The following KIAA0586 variants were observed in gnomAD, a reference collection of about 807,000 sequenced individuals.
The protein encoded by KIAA0586 is protein TALPID3.
Under a neutral mutation model 169.8 loss-of-function variants are expected in KIAA0586, and 144 were observed. The observed-to-expected ratio is 0.85, with a 90% confidence interval of 0.74 to 0.97. The LOEUF is 0.97. KIAA0586 is among the 50% of genes least tolerant of loss of function. The probability of loss-of-function intolerance (pLI) is 0.00; values close to 1 mark genes in which losing one functional copy is unlikely to be tolerated. For missense variants in KIAA0586, 1,854 were observed against 1,823.0 expected (o/e 1.02, Z -0.31); for synonymous variants, 625 against 612.4 (o/e 1.02, Z -0.30).
At position 58,451,033 on chromosome 14, in the gene KIAA0586, G is replaced by A. The variant is rs372059062; in HGVS notation, c.1129+287G>A. ...AGACGGAGTCTCGCTCTGTTGCCCA[G>A]GCTGGAGTGCAGTGGTGCGATCTCG... On this transcript the variant is annotated intron_variant, in intron 8 of 30. Transcript: ENST00000652326. Among the ~76,000 whole-genome samples, 4 of 147,720 alleles carry A rather than the reference G, an allele frequency of 2.7e-5. 1 individual carries two copies.
chr14:58,486,690 C>T (rs1157096199), intron 21 of KIAA0586, among the ~76,000 whole-genome samples: 2 of 152,076 alleles, frequency 1.3e-5, no homozygotes, highest in African/African-American at 4.8e-5. Context: ...AAAATACAAA[C>T]CCACAGATGC....
At chr14:58,525,310 C>T (rs575275365) in intron 29 of KIAA0586, among the ~76,000 whole-genome samples, 2 of 152,058 alleles carry the variant, frequency 1.3e-5, no homozygotes, top group South Asian at 2.1e-4. Context: ...CAGCTCCCAG[C>T]GAGATCAATG....
intron 25 of KIAA0586, among the ~76,000 whole-genome samples, chr14:58,490,770 A>T (rs1462790924): frequency 1.3e-5 from 2 of 152,122 alleles, no homozygotes; most frequent in Non-Finnish European, 2.9e-5. Context: ...AAGTGATAGT[A>T]AGAATTTTCT....
At position 58,456,702 on chromosome 14, in the gene KIAA0586, A is replaced by C; in HGVS notation, c.1254A>C (p.Arg418Ser). The change falls in exon 10 of 31, where the codon AGA (arginine) becomes AGC (serine). Residue 418 changes from arginine to serine, a missense_variant and splice_region_variant. Coordinates refer to ENST00000652326, the MANE Select transcript of KIAA0586 (RefSeq NM_001329943.3). ...KIGWTPEKTNRFPSCEELETT... is the reference protein window; with the variant it reads ...KIGWTPEKTNSFPSCEELETT... Reference sequence around the variant, plus strand: ...GCGTTGAAACTCTACCTTCTCAAAGATTTCCTTCCTGTGAAGAGCTAGAAA... The same window carrying C: ...GCGTTGAAACTCTACCTTCTCAAAGCTTTCCTTCCTGTGAAGAGCTAGAAA... 2 of 1,568,954 alleles carry C rather than the reference A, an allele frequency of 1.3e-6. No homozygotes were observed. Among genetic ancestry groups the C allele is most frequent in the South Asian group, 2.3e-5 (2 of 86,430 alleles).
intron 18 of KIAA0586, among the ~76,000 whole-genome samples, chr14:58,474,171 C>A (rs2041433634): frequency 6.6e-6 from 1 of 152,202 alleles, no homozygotes; most frequent in South Asian, 2.1e-4. Flanking sequence ...GGATCTGCCC[C>A]CAAGACCCAA....
chr14:58,537,793 G>A (rs541930895), intron 29 of KIAA0586, among the ~76,000 whole-genome samples: 14 of 152,128 alleles, frequency 9.2e-5, no homozygotes, highest in African/African-American at 1.9e-4. Flanking sequence ...GACTACAGGT[G>A]CCTGCCACCA....
intron 7 of KIAA0586, among the ~76,000 whole-genome samples, chr14:58,449,281 C>G (rs1046303342): frequency 6.6e-6 from 1 of 152,178 alleles, no homozygotes; most frequent in African/African-American, 2.4e-5. Context: ...GTGCCCAGCA[C>G]TTTGAGAGGC....
At chr14:58,555,629 A>T (rs185468241), downstream of KIAA0586, among the ~76,000 whole-genome samples, 102 of 152,142 alleles carry the variant, frequency 6.7e-4, 1 homozygote, top group African/African-American at 2.3e-3. Context: ...GATTTTTTTC[A>T]TTATTTATTT....
intron 20 of KIAA0586, among the ~76,000 whole-genome samples, chr14:58,480,220 T>C (rs1743706): frequency 0.93 from 141,466 of 151,356 alleles, 65,839 homozygotes; most frequent in East Asian, 1. Context: ...GTCAAAAATG[T>C]TTCCCTTTTT....
intron 26 of KIAA0586, among the ~76,000 whole-genome samples, chr14:58,493,841 GGA>G (rs1347823326): frequency 6.6e-6 from 1 of 151,862 alleles, no homozygotes; most frequent in Admixed American, 6.6e-5. Context: ...AGGAGGGAGA[GGA>G]GAGAGAGAAA....
At position 58,448,477 on chromosome 14, in the gene KIAA0586, A is replaced by G; in HGVS notation, c.945A>G (p.Thr315=). The change falls in exon 7 of 31, where the codon ACA becomes ACG. Residue 315 remains threonine (T), a synonymous_variant. Coordinates refer to ENST00000652326, the MANE Select transcript of KIAA0586 (RefSeq NM_001329943.3). ...LGSCNPSLYN[T]FASKQAPLKE... is the part of the protein sequence containing the mutation. ...GCTGTAATCCATCTTTATATAACACATTTGCTTCCAAACAAGGTAAAAATA... is the reference window on the plus strand; with the variant it reads ...GCTGTAATCCATCTTTATATAACACGTTTGCTTCCAAACAAGGTAAAAATA... 1.2e-6 allele frequency: 2 copies of G among 1,604,394 alleles called. No homozygotes were observed. Among genetic ancestry groups the G allele is most frequent in the Non-Finnish European group, 1.7e-6 (2 of 1,175,870 alleles).
chr14:58,558,224 T>C, the KIAA0586 span, among the ~76,000 whole-genome samples: 50 of 152,254 alleles, frequency 3.3e-4, no homozygotes, highest in African/African-American at 1.2e-3. Context: ...AAAATCTTAA[T>C]TGCCTTTGAT....
intron 26 of KIAA0586, among the ~76,000 whole-genome samples, chr14:58,493,873 G>A (rs1421791714): frequency 6.6e-6 from 1 of 152,072 alleles, no homozygotes; most frequent in Non-Finnish European, 1.5e-5. Context: ...CGGGTGGAAA[G>A]GAGAGAGAAA....
At chr14:58,476,201 T>C (rs1448722682) in intron 19 of KIAA0586, among the ~76,000 whole-genome samples, 1 of 152,204 alleles carries the variant, frequency 6.6e-6, no homozygotes, top group East Asian at 1.9e-4. Context: ...TAGGTGAGCT[T>C]TATCAATTTT....
At chr14:58,481,787 C>T (rs1023289522) in intron 20 of KIAA0586, among the ~76,000 whole-genome samples, 3 of 123,228 alleles carry the variant, frequency 2.4e-5, no homozygotes, top group African/African-American at 9.0e-5. Flanking sequence ...CACCCCCATA[C>T]ACGTATATTG....
intron 21 of KIAA0586, 108 bp downstream of exon 21, chr14:58,482,820 G>C: frequency 1.2e-6 from 1 of 806,662 alleles, no homozygotes; most frequent in Non-Finnish European, 1.8e-6. Flanking sequence ...ATCATTTTTA[G>C]AGACATGGTC....
At chr14:58,466,470 T>A (rs2040783066) in intron 15 of KIAA0586, among the ~76,000 whole-genome samples, 2 of 152,174 alleles carry the variant, frequency 1.3e-5, no homozygotes. Flanking sequence ...GCACAGTGGC[T>A]CATGCCTTTA....
Position 58,459,882 on chromosome 14 carries a change from G to T in KIAA0586, c.1696G>T (p.Asp566Tyr). The T allele has an allele frequency of 2.6e-6, 4 of 1,532,780 alleles. No individual in the cohort carries two copies. The South Asian group carries it at 4.8e-5, about 18-fold the overall frequency. 94.9% of individuals were successfully genotyped at this position (1,532,780 alleles called of 1,614,324 possible). The change falls in exon 13 of 31, where the codon GAT becomes TAT. Residue 566 changes from aspartate (D) to tyrosine (Y), a missense_variant. Asp to Tyr is a radical substitution (Grantham distance 160, BLOSUM62 -3). Coordinates refer to ENST00000652326, the MANE Select transcript of KIAA0586 (RefSeq NM_001329943.3). ...SRTDYEQKRFDQKNQRTKKGQ... is the reference protein window; with the variant it reads ...SRTDYEQKRFYQKNQRTKKGQ... ...AACAGATTATGAACAAAAAAGATTT[G>T]ATCAGAAGAATCAGAGAACCAAGAA...
Position 58,427,971 on chromosome 14 carries a change from T to C in KIAA0586, c.-294T>C, listed in dbSNP as rs570691865. The C allele has an allele frequency of 2.1e-6, 3 of 1,411,718 alleles. No individual in the cohort carries two copies. In the African/African-American group the frequency reaches 4.3e-5, roughly 20 times the overall value. 87.4% of individuals were successfully genotyped at this position (1,411,718 alleles called of 1,614,324 possible). ...TGGTTTTGCCCTACCAGCTCTGGGG[T>C]TGGGGAGTGCACTGTTATGGTTATT... On this transcript the variant is annotated 5_prime_UTR_variant, in exon 1 of 31. Coordinates refer to ENST00000652326, the MANE Select transcript of KIAA0586 (RefSeq NM_001329943.3).
Sources: allele counts gnomAD v4.1 joint callset (sites outside exome capture counted in the v4.1 genomes callset), GRCh38; gene constraint gnomAD v4.1.1; transcripts MANE v1.5; gene names NCBI Gene and HGNC (gene_info 2026-07-23, HGNC 2026-07-21).